Variants in L3MBTL1 observed in about 807,000 individuals in gnomAD.
L3MBTL1 encodes the protein lethal(3)malignant brain tumor-like protein 1.
In L3MBTL1, 75 loss-of-function variants were observed where a neutral mutation model predicts 105.3. That is an observed-to-expected ratio of 0.71 (90% CI 0.59 to 0.86). L3MBTL1 has a LOEUF of 0.86. Among genes scored for constraint, L3MBTL1 ranks in the 40% least tolerant of loss-of-function variants. The pLI, the probability that L3MBTL1 is intolerant of heterozygous loss-of-function variation, is 0.00. For synonymous variants in L3MBTL1, 452 were observed against 436.2 expected (o/e 1.04, Z -0.45); for missense variants, 1,069 against 1,126.4 (o/e 0.95, Z 0.73).
chr20:43,518,784 G>A (rs138104466), intron 7 of L3MBTL1, among the ~76,000 whole-genome samples: 1,858 of 146,824 alleles, frequency 0.013, 14 homozygotes, highest in Non-Finnish European at 0.019. Flanking sequence ...CGAGGCAGGC[G>A]GATCATGAGG....
At chr20:43,536,588 G>A (rs2145479759) in intron 19 of L3MBTL1, 130 bp downstream of exon 19, 1 of 1,032,778 alleles carries the variant, frequency 9.7e-7, no homozygotes. Flanking sequence ...CTCTTCGTTT[G>A]AGATACTGAG....
Position 43,529,270 on chromosome 20 carries a change from G to A in L3MBTL1, c.958G>A (p.Ala320Thr), listed in dbSNP as rs748855657. The A allele has an allele frequency of 6.2e-7, 1 of 1,609,130 alleles. No individual in the cohort carries two copies. Among genetic ancestry groups the A allele is most frequent in the South Asian group, 1.1e-5 (1 of 89,784 alleles). Reference protein sequence around the residue: ...APVSLFQDSQAVTHNKNGFKL... With the variant: ...APVSLFQDSQTVTHNKNGFKL... ...CCACTCTGTGCGTTGACAGTCCCAGGCAGTCACTCACAACAAGAATGGCTT... is the reference window on the plus strand; with the variant it reads ...CCACTCTGTGCGTTGACAGTCCCAGACAGTCACTCACAACAAGAATGGCTT... Residue 320 changes from alanine to threonine, a missense_variant, in exon 9 of 22, where the codon GCA becomes ACA. Physicochemically the swap from Ala to Thr is moderately conservative, Grantham distance 58 (BLOSUM62 0). Transcript: ENST00000418998.
intron 20 of L3MBTL1, 27 bp from the exon 21 acceptor site, chr20:43,540,726 G>A (rs759776840): frequency 6.2e-7 from 1 of 1,613,024 alleles, no homozygotes; most frequent in South Asian, 1.1e-5. Context: ...CTGTCCCCTG[G>A]TCAACATGTC....
intron 16 of L3MBTL1, 44 bp downstream of exon 16, chr20:43,534,986 G>C (rs773591867): frequency 1.4e-6 from 2 of 1,384,258 alleles, no homozygotes; most frequent in South Asian, 1.2e-5. Context: ...TTCCCCCCAG[G>C]TTCTGACAAT....
At chr20:43,542,487 G>A (rs1444314569), downstream of L3MBTL1, among the ~76,000 whole-genome samples, 1 of 151,862 alleles carries the variant, frequency 6.6e-6, no homozygotes, top group Non-Finnish European at 1.5e-5. Context: ...TGCCTATAGA[G>A]AGATAGGCAC....
chr20:43,544,810 A>T (rs540350032), downstream of L3MBTL1, among the ~76,000 whole-genome samples: 22 of 151,682 alleles, frequency 1.5e-4, no homozygotes, highest in Middle Eastern at 3.4e-3. Flanking sequence ...ATGAAAAATT[A>T]AAAAAAATTA....
intron 16 of L3MBTL1, among the ~76,000 whole-genome samples, chr20:43,535,543 G>A (rs922659653): frequency 1.3e-5 from 2 of 152,162 alleles, no homozygotes; most frequent in Non-Finnish European, 2.9e-5. Context: ...GGCTTCTAAG[G>A]TATGGCTACA....
chr20:43,520,313 G>A (rs553218799), intron 7 of L3MBTL1, among the ~76,000 whole-genome samples: 1 of 152,278 alleles, frequency 6.6e-6, no homozygotes, highest in East Asian at 1.9e-4. Flanking sequence ...TGGACATATG[G>A]ATTGCTTCTA....
rs1240764505 is a variant in L3MBTL1, at chr20:43,516,187, C to T, written c.862+10C>T. 6.2e-7 allele frequency: 1 copy of T among 1,608,364 alleles called. No individual in the cohort carries two copies. Among genetic ancestry groups the T allele is most frequent in the Admixed American group, 1.7e-5 (1 of 59,958 alleles). Reference sequence around the variant, plus strand: ...AGCAGCAGCCAGCCTGGTACGGTGGCTTGTGTGTATATATATTCGTGTGAG... The same window carrying T: ...AGCAGCAGCCAGCCTGGTACGGTGGTTTGTGTGTATATATATTCGTGTGAG... On this transcript the variant is annotated intron_variant, in intron 7 of 21. Transcript: ENST00000418998.
chr20:43,509,281 G>A lies in L3MBTL1; in HGVS notation c.-29+1537G>A, dbSNP rs183319632. ...GCTCTGTCGCCCAGGCTCGAGTGTA[G>A]TGGTGTGATCATAGCTCACTGCAGC... On this transcript the variant is annotated intron_variant, in intron 1 of 21. Transcript: ENST00000418998. Among the ~76,000 whole-genome samples the A allele has an allele frequency of 1.1e-3, 168 of 151,526 alleles. 1 individual carries two copies. In the South Asian group the frequency reaches 0.012, roughly 11 times the overall value.
chr20:43,530,857 G>T lies in L3MBTL1; in HGVS notation c.1252G>T (p.Ala418Ser). ...CCTGCGCAGCACAAGAGCTCAGGCT[G>T]CCCCCAAGCACCTGTTTGTGAGCCA... ...QYLRSTRAQA[A>S]PKHLFVSQSH... The change falls in exon 11 of 22, where the codon GCC becomes TCC. Residue 418 changes from alanine to serine, a missense_variant. Transcript: ENST00000418998. 6.2e-7 allele frequency: 1 copy of T among 1,614,058 alleles called. No individual in the cohort carries two copies. Among genetic ancestry groups the T allele is most frequent in the East Asian group, 2.2e-5 (1 of 44,874 alleles).
intron 7 of L3MBTL1, among the ~76,000 whole-genome samples, chr20:43,524,422 C>T (rs1472561709): frequency 4.6e-5 from 7 of 152,050 alleles, no homozygotes; most frequent in Non-Finnish European, 1.0e-4. Context: ...GTAAGCAAAA[C>T]ACAGTACTAG....
chr20:43,513,827 T>C lies in L3MBTL1; in HGVS notation c.137-11T>C. 1 of 1,550,386 alleles carries C rather than the reference T, an allele frequency of 6.5e-7. No homozygotes were observed. The highest frequency in any genetic ancestry group is 8.7e-7 in the Non-Finnish European group (1 of 1,146,786). On this transcript the variant is annotated splice_polypyrimidine_tract_variant and intron_variant, in intron 2 of 21. Coordinates refer to ENST00000418998, the MANE Select transcript of L3MBTL1 (RefSeq NM_001377303.1). ...CACCTGTGTCGTGTCTATTTGTATA[T>C]CTGTTTACAGCCAGTTCGGCCACCC... is the stretch of plus-strand genomic sequence containing the variant.
At chr20:43,522,277 C>T (rs760855978) in intron 7 of L3MBTL1, among the ~76,000 whole-genome samples, 8 of 151,902 alleles carry the variant, frequency 5.3e-5, no homozygotes, top group African/African-American at 9.7e-5. Flanking sequence ...ATCACTTAAA[C>T]CCGTGAACCG....
At chr20:43,515,895 T>C in intron 6 of L3MBTL1, 198 bp from the exon 7 acceptor site, 1 of 572,222 alleles carries the variant, frequency 1.7e-6, no homozygotes, top group Non-Finnish European at 3.1e-6. Flanking sequence ...AGGATGTGCA[T>C]GCTCATGTGA....
intron 3 of L3MBTL1, 71 bp from the exon 4 acceptor site, chr20:43,514,564 A>G (rs757452025): frequency 1.1e-5 from 18 of 1,594,674 alleles, no homozygotes; most frequent in Middle Eastern, 3.3e-4. Context: ...AGAGAGGGCC[A>G]TGGCACCGAC....
intron 7 of L3MBTL1, among the ~76,000 whole-genome samples, chr20:43,526,183 T>C (rs2145431938): frequency 6.6e-6 from 1 of 152,182 alleles, no homozygotes; most frequent in East Asian, 1.9e-4. Context: ...AGACAAGAAA[T>C]CTGGCAGGTA....
chr20:43,514,441 G>A, intron 3 of L3MBTL1, 194 bp from the exon 4 acceptor site: 3 of 1,484,766 alleles, frequency 2.0e-6, no homozygotes, highest in African/African-American at 2.8e-5. Context: ...ACTGGACCCC[G>A]CAGGTGCTTG....
intron 3 of L3MBTL1, 62 bp downstream of exon 3, chr20:43,514,123 G>A (rs1477540130): frequency 1.4e-6 from 2 of 1,380,922 alleles, no homozygotes; most frequent in Non-Finnish European, 2.0e-6. Context: ...GGGCTTGCAG[G>A]CCCGGAGGCT....
Sources: gnomAD v4.1 joint callset for allele counts (sites outside exome capture counted in the v4.1 genomes callset) on GRCh38, gnomAD v4.1.1 for gene constraint, MANE v1.5 for transcripts, NCBI Gene and HGNC (gene_info 2026-07-23, HGNC 2026-07-21) for gene names.